AKAP17A: variants seen among roughly 807,000 people sequenced by gnomAD.
The protein encoded by AKAP17A is A-kinase anchoring protein 17A.
In AKAP17A, 15 loss-of-function variants were observed where a neutral mutation model predicts 52.2. The observed-to-expected ratio is 0.29, with a 90% CI of 0.19 to 0.44. AKAP17A has a LOEUF of 0.44. Among genes scored for constraint, AKAP17A ranks in the 20% least tolerant of loss-of-function variants. The pLI, the probability that AKAP17A is intolerant of heterozygous loss-of-function variation, is 1.00. For synonymous variants in AKAP17A, 514 were observed against 424.7 expected (o/e 1.21, Z -2.58); for missense variants, 1,060 against 1,007.0 (o/e 1.05, Z -0.71).
Position 1,593,743 on chromosome X carries a change from C to T in AKAP17A, c.281C>T (p.Ala94Val). 2 of 1,613,960 alleles carry T rather than the reference C, an allele frequency of 1.2e-6. No individual in the cohort carries two copies. Among genetic ancestry groups the T allele is most frequent in the Admixed American group, 3.3e-5 (2 of 60,008 alleles). Reference sequence around the variant, plus strand: ...AAGAGCCTGGTCAAGTCTTTTCTGGCCTGCCTGGACGGCAAGACCATCAAG... The same window carrying T: ...AAGAGCCTGGTCAAGTCTTTTCTGGTCTGCCTGGACGGCAAGACCATCAAG... ...ENKSLVKSFL[A>V]CLDGKTIKLS... The change falls in exon 2 of 5, where the codon GCC (alanine) becomes GTC (valine). Residue 94 changes from alanine to valine, a missense_variant. By Grantham distance (64) the Ala-to-Val change is moderately conservative (BLOSUM62 0). Around this residue, in one of 2 missense-constraint regions of AKAP17A, gnomAD observed 267 missense variants for 377.1 expected, o/e 0.71. Coordinates refer to ENST00000313871, the MANE Select transcript of AKAP17A (RefSeq NM_005088.3).
chrX:1,600,445 G>T (rs1321547836), intron 4 of AKAP17A: 1 of 640,684 alleles, frequency 1.6e-6, no homozygotes, highest in Admixed American at 2.9e-5. Context: ...TCAGACGCAT[G>T]ATGGCCCCAG....
At chrX:1,593,371 C>T in intron 1 of AKAP17A, 73 bp from the exon 2 acceptor site, 9 of 1,474,654 alleles carry the variant, frequency 6.1e-6, no homozygotes, top group South Asian at 1.3e-5. Context: ...AAAGTGCCTG[C>T]TGGCTTGGCC....
At chrX:1,595,158 G>A (rs1384716161) in intron 2 of AKAP17A, among the ~76,000 whole-genome samples, 8 of 151,666 alleles carry the variant, frequency 5.3e-5, no homozygotes, top group South Asian at 2.1e-4. Context: ...TCGTAACTCC[G>A]TGGGATGAGC....
At chrX:1,600,506 G>A in intron 4 of AKAP17A, among the ~76,000 whole-genome samples, 153 bp from the exon 5 acceptor site, 1 of 152,228 alleles carries the variant, frequency 6.6e-6, no homozygotes, top group East Asian at 1.9e-4. Flanking sequence ...GCTCGCCGTA[G>A]GAGACGCCCC....
At chrX:1,594,551 T>C (rs758753251) in intron 2 of AKAP17A, among the ~76,000 whole-genome samples, 2 of 152,302 alleles carry the variant, frequency 1.3e-5, no homozygotes, top group East Asian at 1.9e-4. Context: ...CTTCCCAGAA[T>C]GCACCTTGAA....
rs1292662702 is a variant in AKAP17A at position 1,599,399 on chromosome X, C to G, written c.1119C>G (p.Ile373Met). The change falls in exon 4 of 5, where the codon ATC becomes ATG. Residue 373 changes from isoleucine (I) to methionine (M), a missense_variant. Coordinates refer to ENST00000313871, the MANE Select transcript of AKAP17A (RefSeq NM_005088.3). ...TGGCCCAGAGGAACCTGCAGTCCATCCGGCTCATCGCCGAGCTGCTCAGCA... is the reference window on the plus strand; with the variant it reads ...TGGCCCAGAGGAACCTGCAGTCCATGCGGCTCATCGCCGAGCTGCTCAGCA... Reference protein sequence around the residue: ...LLLAQRNLQSIRLIAELLSRA... With the variant: ...LLLAQRNLQSMRLIAELLSRA... The G allele has an allele frequency of 6.4e-7, 1 of 1,572,880 alleles. No individual in the cohort carries two copies. Among genetic ancestry groups the G allele is most frequent in the Non-Finnish European group, 8.6e-7 (1 of 1,160,346 alleles).
intron 4 of AKAP17A, 173 bp downstream of exon 4, chrX:1,599,605 T>A (rs771284840): frequency 1.1e-6 from 1 of 927,998 alleles, no homozygotes; most frequent in African/African-American, 1.6e-5. Context: ...GTAGCGCTCG[T>A]CTGTCGTTCC....
At chrX:1,599,050 C>G in intron 3 of AKAP17A, 142 bp from the exon 4 acceptor site, 1 of 1,337,038 alleles carries the variant, frequency 7.5e-7, no homozygotes, top group African/African-American at 1.5e-5. Flanking sequence ...TTGAGTCAAC[C>G]GAGGTCCACC....
chrX:1,599,772 C>T (rs1313480328), intron 4 of AKAP17A: 60 of 606,184 alleles, frequency 9.9e-5, no homozygotes, highest in African/African-American at 8.9e-4. Context: ...CCCTCTGGCC[C>T]GCGCCTCTGT....
chrX:1,599,020 C>A (rs1478045590), intron 3 of AKAP17A, among the ~76,000 whole-genome samples, 172 bp from the exon 4 acceptor site: 2 of 152,200 alleles, frequency 1.3e-5, no homozygotes, highest in African/African-American at 2.4e-5. Context: ...CGGCTCACTC[C>A]TTCCACCTCT....
Position 1,601,133 on chromosome X carries a change from C to T in AKAP17A, c.1627C>T (p.Pro543Ser), listed in dbSNP as rs1348136455. Residue 543 changes from proline to serine, a missense_variant, in exon 5 of 5, where the codon CCG becomes TCG. Transcript: ENST00000313871. Reference sequence around the variant, plus strand: ...GGATGGCTCTCCAGAGAAGAGGTGCCCGGGCGGCGTCCTCTCCTGCATTCC... The same window carrying T: ...GGATGGCTCTCCAGAGAAGAGGTGCTCGGGCGGCGTCCTCTCCTGCATTCC... Reference protein sequence around the residue: ...PEDGSPEKRCPGGVLSCIPDN... With the variant: ...PEDGSPEKRCSGGVLSCIPDN... The T allele has an allele frequency of 6.2e-7, 1 of 1,613,862 alleles. No homozygotes were observed. Among genetic ancestry groups the T allele is most frequent in the Non-Finnish European group, 8.5e-7 (1 of 1,179,832 alleles).
At chrX:1,594,323 T>G in intron 2 of AKAP17A, 99 bp downstream of exon 2, 1 of 1,365,298 alleles carries the variant, frequency 7.3e-7, no homozygotes, top group Non-Finnish European at 9.8e-7. Flanking sequence ...CCTGAGGCTG[T>G]GGGGACCTCC....
intron 4 of AKAP17A, chrX:1,600,415 C>T (rs1259064695): frequency 3.2e-6 from 2 of 630,762 alleles, no homozygotes; most frequent in South Asian, 2.0e-5. Flanking sequence ...AGCCGCTTTG[C>T]CAAGGGGTTT....
chrX:1,593,868 G>A lies in AKAP17A; in HGVS notation c.406G>A (p.Asp136Asn), dbSNP rs374234366. ...GGACTCCTTCTTCCGCGACGCCAAGGACATGAACGAGACCCTGCCGGGGGA... is the reference window on the plus strand; with the variant it reads ...GGACTCCTTCTTCCGCGACGCCAAGAACATGAACGAGACCCTGCCGGGGGA... The part of the protein sequence containing the change: ...DWDSFFRDAK[D>N]MNETLPGERP... Residue 136 changes from aspartate (D) to asparagine (N), a missense_variant, in exon 2 of 5, where the codon GAC (aspartate) becomes AAC (asparagine). Coordinates refer to ENST00000313871, the MANE Select transcript of AKAP17A (RefSeq NM_005088.3). The A allele has an allele frequency of 1.2e-6, 2 of 1,612,686 alleles. No homozygotes were observed. Among genetic ancestry groups the A allele is most frequent in the East Asian group, 2.2e-5 (1 of 44,878 alleles).
chrX:1,592,016 G>C (rs1189814069), intron 1 of AKAP17A, among the ~76,000 whole-genome samples: 1 of 151,610 alleles, frequency 6.6e-6, no homozygotes, highest in Non-Finnish European at 1.5e-5. Context: ...GTAGGGGCTG[G>C]AGCGGTTCCT....
Position 1,595,422 on chromosome X carries a change from A to G in AKAP17A, c.801A>G (p.Ser267=). The part of the protein sequence containing the change: ...FDSTKHLSDA[S]IKKRQLERQK... ...CGACCAAACACCTGAGTGATGCCTC[A>G]ATTAAGAAGCGGCAGCTGGAGAGGC... The change falls in exon 3 of 5, where the codon TCA becomes TCG. Residue 267 remains serine (S), a synonymous_variant. Transcript: ENST00000313871. 6.2e-7 allele frequency: 1 copy of G among 1,614,034 alleles called. No individual in the cohort carries two copies. The highest frequency in any genetic ancestry group is 8.5e-7 in the Non-Finnish European group (1 of 1,179,882).
intron 2 of AKAP17A, 122 bp from the exon 3 acceptor site, chrX:1,595,262 G>T: frequency 2.3e-6 from 3 of 1,283,208 alleles, no homozygotes; most frequent in South Asian, 1.4e-5. Context: ...GGTGAGCGGT[G>T]AGCGGTGAGC....
chrX:1,593,989 A>G lies in AKAP17A; in HGVS notation c.527A>G (p.Lys176Arg). ...AAGCCCAGCGAGGACGTCCTGGTCA[A>G]GGTGTTTGAGAAGTTCGGGGAGATC... The part of the protein sequence containing the change: ...SEKPSEDVLV[K>R]VFEKFGEIRN... The change falls in exon 2 of 5, where the codon AAG becomes AGG. Residue 176 changes from lysine to arginine, a missense_variant. By Grantham distance (26) the Lys-to-Arg change is conservative. Coordinates refer to ENST00000313871, the MANE Select transcript of AKAP17A (RefSeq NM_005088.3). 6.2e-7 allele frequency: 1 copy of G among 1,602,716 alleles called. No individual in the cohort carries two copies. Among genetic ancestry groups the G allele is most frequent in the Non-Finnish European group, 8.5e-7 (1 of 1,173,204 alleles).
chrX:1,600,372 T>C, intron 4 of AKAP17A: 1 of 640,724 alleles, frequency 1.6e-6, no homozygotes, highest in Non-Finnish European at 2.6e-6. Context: ...AGGGCTCGGC[T>C]CTGCCCAAGA....
Sources: gnomAD v4.1 joint callset for allele counts (sites outside exome capture counted in the v4.1 genomes callset) on GRCh38, gnomAD v4.1.1 for gene constraint, gnomAD v4.1.1 regional missense constraint, MANE v1.5 for transcripts, NCBI Gene and HGNC (gene_info 2026-07-23, HGNC 2026-07-21) for gene names.